Variants in PCDHA5 observed in about 807,000 individuals in gnomAD.
PCDHA5 encodes the protein protocadherin alpha 5.
PCDHA5 carries 43 observed loss-of-function variants against 61.6 expected under a neutral mutation model. The observed-to-expected ratio is 0.70, with a 90% confidence interval of 0.55 to 0.90. The LOEUF is 0.90. PCDHA5 is among the 40% of genes least tolerant of loss of function. The probability of loss-of-function intolerance (pLI) is 0.00; values close to 1 mark genes in which losing one functional copy is unlikely to be tolerated. For missense variants in PCDHA5, 1,298 were observed against 1,222.7 expected, an observed-to-expected ratio of 1.06 and a Z score of -0.92; for synonymous variants, 627 against 543.9, an observed-to-expected ratio of 1.15 and a Z score of -2.13.
At chr5:140,896,946 T>A (rs2065814718) in intron 1 of PCDHA5, among the ~76,000 whole-genome samples, 1 of 152,134 alleles carries the variant, frequency 6.6e-6, no homozygotes, top group Non-Finnish European at 1.5e-5. Context: ...GGAATGGCCA[T>A]TCCCTTAAAC....
intron 1 of PCDHA5, among the ~76,000 whole-genome samples, chr5:140,970,537 GT>G (rs111648801): frequency 0.029 from 4,476 of 152,214 alleles, 218 homozygotes; most frequent in African/African-American, 0.1. Flanking sequence ...ATGTGTGTGT[GT>G]TTGTGTTGTG....
intron 1 of PCDHA5, chr5:140,829,819 A>G: frequency 6.2e-7 from 1 of 1,613,876 alleles, no homozygotes. Flanking sequence ...CTGGTGGTGC[A>G]GTGAGCGAGC....
intron 1 of PCDHA5, among the ~76,000 whole-genome samples, chr5:140,905,832 G>A (rs1292036271): frequency 1.3e-5 from 2 of 152,150 alleles, no homozygotes; most frequent in Non-Finnish European, 2.9e-5. Context: ...TGTATATAAA[G>A]GGGAGTTTAT....
At position 140,877,641 on chromosome 5, in the gene PCDHA5, C is replaced by G. The variant is rs548787462; in HGVS notation, c.2352+53514C>G. ...TGCTGCTGTACACTGCGCTGCGTTG[C>G]TCAGCGCCGCCCACCGTGAGCCGGT... On this transcript the variant is annotated intron_variant, in intron 1 of 3. Transcript: ENST00000529859. 6.2e-6 allele frequency: 10 copies of G among 1,613,592 alleles called. 1 individual carries two copies. In the South Asian group the frequency reaches 9.9e-5, roughly 16 times the overall value.
chr5:140,838,732 T>G (rs2150291924), intron 1 of PCDHA5, among the ~76,000 whole-genome samples: 1 of 152,114 alleles, frequency 6.6e-6, no homozygotes, highest in African/African-American at 2.4e-5. Context: ...GTCTAGTAGT[T>G]TGAGACCAGC....
chr5:140,941,181 G>C (rs2092747130), intron 1 of PCDHA5, among the ~76,000 whole-genome samples: 1 of 114,608 alleles, frequency 8.7e-6, no homozygotes, highest in African/African-American at 3.2e-5. Flanking sequence ...TGAACATCCT[G>C]CTTCTTTTTT....
chr5:141,003,406 G>A (rs2098122557), intron 3 of PCDHA5, among the ~76,000 whole-genome samples: 1 of 152,134 alleles, frequency 6.6e-6, no homozygotes, highest in African/African-American at 2.4e-5. Flanking sequence ...CCGCCTCCCG[G>A]GTTCGAGTGA....
intron 1 of PCDHA5, chr5:140,966,759 C>G: frequency 6.9e-7 from 1 of 1,447,012 alleles, no homozygotes; most frequent in Non-Finnish European, 9.1e-7. Context: ...CCGCCGCGGC[C>G]AGTGGCTATG....
chr5:140,975,579 A>G (rs1464978366), intron 1 of PCDHA5, among the ~76,000 whole-genome samples: 3 of 152,244 alleles, frequency 2.0e-5, no homozygotes, highest in Non-Finnish European at 4.4e-5. Context: ...ATGCAGTCTC[A>G]TGTCCCAGAG....
intron 1 of PCDHA5, chr5:140,929,146 CAG>C (rs782305171): frequency 6.2e-7 from 1 of 1,614,180 alleles, no homozygotes; most frequent in Non-Finnish European, 8.5e-7. Flanking sequence ...GAGACTTTCT[CAG>C]ACTTATCTCT....
rs1050286921 is a variant in PCDHA5, at chr5:140,879,863, C to G, written c.2352+55736C>G. Among the ~76,000 whole-genome samples, 24 of 152,218 alleles carry G rather than the reference C, an allele frequency of 1.6e-4. 1 individual carries two copies. Among genetic ancestry groups the G allele is most frequent in the Non-Finnish European group, 5.9e-5 (4 of 68,034 alleles). Reference sequence around the variant, plus strand: ...ACCACTCCCATCTCAGCCTTCTCAGCTTTCATGGTCACATTGCCTCCTCCT... The same window carrying G: ...ACCACTCCCATCTCAGCCTTCTCAGGTTTCATGGTCACATTGCCTCCTCCT... On this transcript the variant is annotated intron_variant, in intron 1 of 3. Coordinates refer to ENST00000529859, the MANE Select transcript of PCDHA5 (RefSeq NM_018908.3).
In PCDHA5 at chr5:140,893,407, C is replaced by T. The variant is rs782798159; in HGVS notation, c.2352+69280C>T. Among the ~76,000 whole-genome samples, 300 of 152,168 alleles carry T rather than the reference C, an allele frequency of 2.0e-3. 2 individuals are homozygous for T. The highest frequency in any genetic ancestry group is 3.7e-3 in the Non-Finnish European group (250 of 67,998). The stretch of plus-strand genomic sequence containing the variant: ...GTGGCTCATGCCTGTAATCCCAGCA[C>T]TTAGGGAGGCAGAGGCAGGAAGATC... On this transcript the variant is annotated intron_variant, in intron 1 of 3. Transcript: ENST00000529859.
At position 140,966,988 on chromosome 5, in the gene PCDHA5, G is replaced by C. The variant is rs782004679; in HGVS notation, c.2353-11961G>C. 1.2e-5 allele frequency: 20 copies of C among 1,603,962 alleles called. No homozygotes were observed. The African/African-American group carries it at 2.1e-4, about 17-fold the overall frequency. Reference sequence around the variant, plus strand: ...GGCTTGAGCTGCGGCGCTTGGGGCCGGGTTGCTTGCGCATCAACCATCTGG... The same window carrying C: ...GGCTTGAGCTGCGGCGCTTGGGGCCCGGTTGCTTGCGCATCAACCATCTGG... On this transcript the variant is annotated intron_variant, in intron 1 of 3. Transcript: ENST00000529859.
chr5:140,863,406 G>T, intron 1 of PCDHA5: 1 of 800,564 alleles, frequency 1.2e-6, no homozygotes, highest in South Asian at 1.3e-5. Flanking sequence ...GCAAGCCCAC[G>T]CTGGTGTACC....
At chr5:140,829,994 C>G (rs1554132448) in intron 1 of PCDHA5, 3 of 1,613,866 alleles carry the variant, frequency 1.9e-6, no homozygotes, top group Non-Finnish European at 2.5e-6. Flanking sequence ...CAGCACCACT[C>G]GTGTCCTGGA....
chr5:140,919,258 A>G (rs2079053720), intron 1 of PCDHA5, among the ~76,000 whole-genome samples: 1 of 152,178 alleles, frequency 6.6e-6, no homozygotes, highest in African/African-American at 2.4e-5. Flanking sequence ...TTTGTCTGAT[A>G]TTAGTGTAGT....
Position 140,829,886 on chromosome 5 carries a change from G to A in PCDHA5, c.2352+5759G>A, listed in dbSNP as rs2150176941. The A allele has an allele frequency of 5.0e-6, 8 of 1,613,958 alleles. No individual in the cohort carries two copies. The highest frequency in any genetic ancestry group is 6.8e-6 in the Non-Finnish European group (8 of 1,179,888). Reference sequence around the variant, plus strand: ...GGTGGCGAAGGTGCGCGCAGTTGACGCCGACTCAGGCTACAACGCGTGGCT... The same window carrying A: ...GGTGGCGAAGGTGCGCGCAGTTGACACCGACTCAGGCTACAACGCGTGGCT... On this transcript the variant is annotated intron_variant, in intron 1 of 3. Transcript: ENST00000529859.
chr5:140,933,780 T>G (rs1404194841), intron 1 of PCDHA5, among the ~76,000 whole-genome samples: 2 of 152,124 alleles, frequency 1.3e-5, no homozygotes, highest in Non-Finnish European at 2.9e-5. Flanking sequence ...TACAGTTTTC[T>G]TTGTAGGAAA....
At chr5:140,862,618 C>CCG in intron 1 of PCDHA5, 1 of 526,556 alleles carries the variant, frequency 1.9e-6, no homozygotes, top group Non-Finnish European at 3.9e-6. Context: ...AGGTAACAAC[C>CCG]CGCGGGGCTG....
Sources: gnomAD v4.1 joint callset for allele counts (sites outside exome capture counted in the v4.1 genomes callset) on GRCh38, gnomAD v4.1.1 for gene constraint, MANE v1.5 for transcripts, NCBI Gene and HGNC (gene_info 2026-07-23, HGNC 2026-07-21) for gene names.